Variants in RRP1B observed in about 807,000 individuals in gnomAD.
RRP1B encodes ribosomal RNA processing 1B.
A neutral mutation model predicts 80.2 loss-of-function variants in RRP1B; 56 were observed. The observed-to-expected ratio is 0.70, with a 90% CI of 0.56 to 0.87. RRP1B has a LOEUF of 0.87. Among genes scored for constraint, RRP1B ranks in the 40% least tolerant of loss-of-function variants. The probability of loss-of-function intolerance (pLI) is 0.00; values close to 1 mark genes in which losing one functional copy is unlikely to be tolerated. For synonymous variants in RRP1B, 351 were observed against 357.6 expected (o/e 0.98, Z 0.21); for missense variants, 807 against 939.8 (o/e 0.86, Z 1.85).
At position 43,675,177 on chromosome 21, in the gene RRP1B, G is replaced by C; in HGVS notation, c.549+14G>C. 6.2e-7 allele frequency: 1 copy of C among 1,612,648 alleles called. No homozygotes were observed. Among genetic ancestry groups the C allele is most frequent in the Non-Finnish European group, 8.5e-7 (1 of 1,179,650 alleles). On this transcript the variant is annotated intron_variant, in intron 6 of 15. Coordinates refer to ENST00000340648, the MANE Select transcript of RRP1B (RefSeq NM_015056.3). ...GGGGGGAAGGAGGTAAGCAGCTGCCGACAGGCTGCCCACGGGGTGAGGGGG... is the reference window on the plus strand; with the variant it reads ...GGGGGGAAGGAGGTAAGCAGCTGCCCACAGGCTGCCCACGGGGTGAGGGGG...
Position 43,693,494 on chromosome 21 carries a change from G to A in RRP1B, c.*111G>A, listed in dbSNP as rs2083095241. 2 of 1,147,380 alleles carry A rather than the reference G, an allele frequency of 1.7e-6. No homozygotes were observed. The highest frequency in any genetic ancestry group is 1.6e-5 in the African/African-American group (1 of 63,246). The allele number at this position is 1,147,380 out of a possible 1,614,324, so 71.1% of individuals were successfully genotyped here. On this transcript the variant is annotated 3_prime_UTR_variant, in exon 16 of 16. Coordinates refer to ENST00000340648, the MANE Select transcript of RRP1B (RefSeq NM_015056.3). This position sits in a 1 kb window ranked among gnomAD's most constrained non-coding sequence, Gnocchi z 4.1. Reference sequence around the variant, plus strand: ...GATTTTGTAAGTTCCCATAAGTTGTGTGCACGAGGTTCTGAGAGTGCCCGC... The same window carrying A: ...GATTTTGTAAGTTCCCATAAGTTGTATGCACGAGGTTCTGAGAGTGCCCGC...
Position 43,684,622 on chromosome 21 carries a change from AG to A in RRP1B, c.963del (p.Lys322SerfsTer50), listed in dbSNP as rs1305944676. 1 of 1,614,046 alleles carries A rather than the reference AG, an allele frequency of 6.2e-7. No individual in the cohort carries two copies. The highest frequency in any genetic ancestry group is 1.7e-5 in the Admixed American group (1 of 60,000). The stretch of plus-strand genomic sequence containing the variant: ...CAGGAAGAACACGCCCCACTTCAAC[AG>A]GAAGCGCCTCTCCAAACTCATCAAG... ...TSRKNTPHFNRKRLSKLIKKF... is the reference protein window; with the variant it reads ...TSRKNTPHFNXKRLSKLIKKF... On this transcript the variant is annotated frameshift_variant, in exon 10 of 16. Coordinates refer to ENST00000340648, the MANE Select transcript of RRP1B (RefSeq NM_015056.3). LOFTEE classifies it high-confidence loss of function.
chr21:43,676,600 C>G (rs2147168215), intron 7 of RRP1B, 133 bp from the exon 8 acceptor site: 1 of 839,198 alleles, frequency 1.2e-6, no homozygotes, highest in Middle Eastern at 3.7e-4. Context: ...CAGTTCCTCT[C>G]AGATGCTTGC....
Position 43,687,535 on chromosome 21 carries a change from A to G in RRP1B, c.1161A>G (p.Val387=). ...EKEKGSRVFC[V]EEEDSESSLQ... is the part of the protein sequence containing the mutation. ...TTTTAGGAAGCAGAGTCTTTTGTGT[A>G]GAGGAAGAGGACAGTGAAAGCAGTC... Residue 387 remains valine, a synonymous_variant, in exon 13 of 16, where the codon GTA becomes GTG. Transcript: ENST00000340648. 1 of 1,491,782 alleles carries G rather than the reference A, an allele frequency of 6.7e-7. No individual in the cohort carries two copies. Among genetic ancestry groups the G allele is most frequent in the East Asian group, 2.3e-5 (1 of 43,872 alleles). The allele number at this position is 1,491,782 out of a possible 1,614,324, so 92.4% of individuals were successfully genotyped here.
intron 1 of RRP1B, among the ~76,000 whole-genome samples, chr21:43,668,125 C>G (rs1357365580): frequency 6.6e-6 from 1 of 151,590 alleles, no homozygotes; most frequent in African/African-American, 2.4e-5. Context: ...AGGAGAATCG[C>G]TTGAACCCAG....
At chr21:43,668,625 T>G (rs1376203146) in intron 1 of RRP1B, among the ~76,000 whole-genome samples, 2 of 152,088 alleles carry the variant, frequency 1.3e-5, no homozygotes, top group Admixed American at 6.5e-5. Context: ...CACCTCAGCC[T>G]CCCAAAGTGC....
intron 13 of RRP1B, among the ~76,000 whole-genome samples, 160 bp downstream of exon 13, chr21:43,688,400 A>C (rs2083073220): frequency 6.6e-6 from 1 of 152,224 alleles, no homozygotes; most frequent in Non-Finnish European, 1.5e-5. Flanking sequence ...TTCACTAAGG[A>C]GGAAATCACA....
chr21:43,667,653 T>G (rs1477587099), intron 1 of RRP1B, among the ~76,000 whole-genome samples: 2 of 152,144 alleles, frequency 1.3e-5, no homozygotes, highest in Non-Finnish European at 2.9e-5. Context: ...TGATTAAATA[T>G]AAGTGCAGGT....
In RRP1B at chr21:43,685,622, C is replaced by T. The variant is rs188952626; in HGVS notation, c.990-148C>T. On this transcript the variant is annotated intron_variant, in intron 10 of 15. Coordinates refer to ENST00000340648, the MANE Select transcript of RRP1B (RefSeq NM_015056.3). ...TCACAGAATTTCCTGTCTAGCCTCC[C>T]CTCCTGGAGGAGAACGTGAATTAAC... is the stretch of plus-strand genomic sequence containing the variant. 111 of 548,202 alleles carry T rather than the reference C, an allele frequency of 2.0e-4. No homozygotes were observed. In the African/African-American group the frequency reaches 2.1e-3, roughly 10 times the overall value. The allele number at this position is 548,202 out of a possible 1,614,324, so 34.0% of individuals were successfully genotyped here. A position where few individuals can be genotyped will look rare whatever the true frequency, so the allele number is the denominator to read the frequency against.
chr21:43,682,541 A>C (rs1007886039), intron 8 of RRP1B, among the ~76,000 whole-genome samples: 3 of 152,236 alleles, frequency 2.0e-5, no homozygotes, highest in African/African-American at 7.2e-5. Context: ...CTGCTGTGAC[A>C]GGTTCTCACC....
At position 43,669,909 on chromosome 21, in the gene RRP1B, G is replaced by A. The variant is rs756184540; in HGVS notation, c.156G>A (p.Leu52=). ...GAGGTTTCAGTCAGGAAGAACTTCT[G>A]AAAATCTGGAAGGGGCTCTTCTACT... is the stretch of plus-strand genomic sequence containing the variant. ...ETGGFSQEEL[L]KIWKGLFYCM... is the part of the protein sequence containing the mutation. Residue 52 remains leucine, a synonymous_variant, in exon 2 of 16, where the codon CTG becomes CTA. Transcript: ENST00000340648. 7.4e-6 allele frequency: 12 copies of A among 1,613,004 alleles called. No homozygotes were observed. The highest frequency in any genetic ancestry group is 2.2e-5 in the South Asian group (2 of 90,996).
At chr21:43,664,018 A>G (rs927956463) in intron 1 of RRP1B, among the ~76,000 whole-genome samples, 2 of 152,266 alleles carry the variant, frequency 1.3e-5, no homozygotes, top group African/African-American at 4.8e-5. Flanking sequence ...CAGAGCTTTG[A>G]AAGTAATTCA....
At chr21:43,681,261 CAGAT>C (rs372143608) in intron 8 of RRP1B, among the ~76,000 whole-genome samples, 40,992 of 149,612 alleles carry the variant, frequency 0.27, 5,875 homozygotes, top group Non-Finnish European at 0.33. Flanking sequence ...AATAAATAAA[CAGAT>C]AGATAGATAG....
In RRP1B at chr21:43,672,354, A is replaced by C; in HGVS notation, c.260A>C (p.Asn87Thr). 6.2e-7 allele frequency: 1 copy of C among 1,613,936 alleles called. No homozygotes were observed. Among genetic ancestry groups the C allele is most frequent in the Non-Finnish European group, 8.5e-7 (1 of 1,179,894 alleles). The change falls in exon 3 of 16, where the codon AAC becomes ACC. Residue 87 changes from asparagine to threonine, a missense_variant. Transcript: ENST00000340648. Reference sequence around the variant, plus strand: ...GCACAGCTAGTCCATGCTGTTAACAACTCAGCGGCTCGTAAGTCCTGTTGT... The same window carrying C: ...GCACAGCTAGTCCATGCTGTTAACACCTCAGCGGCTCGTAAGTCCTGTTGT... ...TIAQLVHAVN[N>T]SAAQHLFIQT...
intron 13 of RRP1B, among the ~76,000 whole-genome samples, 169 bp downstream of exon 13, chr21:43,688,409 C>T (rs987777365): frequency 1.7e-4 from 26 of 152,248 alleles, no homozygotes; most frequent in African/African-American, 6.3e-4. Context: ...GAGGAAATCA[C>T]AGGTGACCAG....
At chr21:43,678,761 T>A (rs1309873318) in intron 8 of RRP1B, among the ~76,000 whole-genome samples, 1 of 152,218 alleles carries the variant, frequency 6.6e-6, no homozygotes, top group Non-Finnish European at 1.5e-5. Context: ...GTGCAGAAGC[T>A]TTTTAGTTTA....
chr21:43,672,269 C>T lies in RRP1B; in HGVS notation c.214-39C>T, dbSNP rs750349879. On this transcript the variant is annotated intron_variant, in intron 2 of 15. Transcript: ENST00000340648. Reference sequence around the variant, plus strand: ...GGCACAGGCATCTCATGTTGCCCCACGATAACCCCCATGTTTCTCCCCAAC... The same window carrying T: ...GGCACAGGCATCTCATGTTGCCCCATGATAACCCCCATGTTTCTCCCCAAC... 6.2e-6 allele frequency: 10 copies of T among 1,601,464 alleles called. No homozygotes were observed. The African/African-American group carries it at 8.0e-5, about 13-fold the overall frequency.
rs371626067 is a variant in RRP1B, at chr21:43,693,411, T to G, written c.*28T>G. ...AGCAGCAGAGTCCCTTGTAAAAGAC[T>G]GCTTTTGTACAGAATGCGCTATAAA... is the stretch of plus-strand genomic sequence containing the variant. On this transcript the variant is annotated 3_prime_UTR_variant, in exon 16 of 16. Transcript: ENST00000340648. The surrounding 1 kb of genome is among the most constrained non-coding windows in gnomAD (Gnocchi z 4.1). 3 of 1,510,020 alleles carry G rather than the reference T, an allele frequency of 2.0e-6. No individual in the cohort carries two copies. In the African/African-American group the frequency reaches 4.2e-5, roughly 21 times the overall value. 93.5% of individuals were successfully genotyped at this position (1,510,020 alleles called of 1,614,324 possible).
At chr21:43,678,574 C>T (rs191225803) in intron 8 of RRP1B, among the ~76,000 whole-genome samples, 109 of 152,246 alleles carry the variant, frequency 7.2e-4, no homozygotes, top group African/African-American at 2.6e-3. Context: ...ATTTGTATAT[C>T]TTCTTTTGAG....
Sources: allele counts gnomAD v4.1 joint callset (sites outside exome capture counted in the v4.1 genomes callset), GRCh38; gene constraint gnomAD v4.1.1; non-coding constraint Gnocchi (gnomAD v3.1); transcripts MANE v1.5; gene names NCBI Gene and HGNC (gene_info 2026-07-23, HGNC 2026-07-21).